DNAH6: variants seen among roughly 807,000 people sequenced by gnomAD.
DNAH6 encodes axonemal beta dynein heavy chain 6.
A neutral mutation model predicts 491.4 loss-of-function variants in DNAH6; 340 were observed. The ratio of observed to expected loss-of-function variants is 0.69; its 90% confidence interval spans 0.63 to 0.76. The LOEUF is 0.76. Ranked by LOEUF, DNAH6 falls within the 30% of genes least tolerant of loss-of-function variation. The pLI, the probability that DNAH6 is intolerant of heterozygous loss-of-function variation, is 0.00. For synonymous variants in DNAH6, 1,603 were observed against 1,686.1 expected, an observed-to-expected ratio of 0.95 and a Z score of 1.21; for missense variants, 4,443 against 4,972.2, an observed-to-expected ratio of 0.89 and a Z score of 3.20.
chr2:84,652,807 T>A (rs913415458), intron 33 of DNAH6, among the ~76,000 whole-genome samples: 1 of 152,080 alleles, frequency 6.6e-6, no homozygotes, highest in Non-Finnish European at 1.5e-5. Context: ...TTTTCCTTCC[T>A]TCTTGCATGA....
chr2:84,519,396 A>G (rs1437574484), intron 2 of DNAH6, among the ~76,000 whole-genome samples: 2 of 152,176 alleles, frequency 1.3e-5, no homozygotes, highest in Non-Finnish European at 2.9e-5. Flanking sequence ...AAAATAATTC[A>G]TACAATATTA....
At chr2:84,609,989 G>T (rs1359651137) in intron 21 of DNAH6, among the ~76,000 whole-genome samples, 1 of 152,122 alleles carries the variant, frequency 6.6e-6, no homozygotes, top group East Asian at 1.9e-4. Context: ...AGGAGTTCAG[G>T]CATGGTTTAA....
Position 84,786,473 on chromosome 2 carries a change from G to A in DNAH6, c.11101-691G>A, listed in dbSNP as rs1254960257. Among the ~76,000 whole-genome samples the A allele has an allele frequency of 2.0e-5, 3 of 150,898 alleles. No homozygotes were observed. In the East Asian group the frequency reaches 5.8e-4, roughly 29 times the overall value. ...AAAGATGCCAGATATAAGATAAATAGGTTAAAAGGTCTTAGAGGAGGTCTG... is the reference window on the plus strand; with the variant it reads ...AAAGATGCCAGATATAAGATAAATAAGTTAAAAGGTCTTAGAGGAGGTCTG... On this transcript the variant is annotated intron_variant, in intron 67 of 76. Transcript: ENST00000389394.
chr2:84,805,858 G>GT, intron 71 of DNAH6, 64 bp downstream of exon 71: 1 of 1,446,534 alleles, frequency 6.9e-7, no homozygotes, highest in African/African-American at 1.4e-5. Context: ...AGAGAACTGA[G>GT]TGATAAACAG....
At chr2:84,743,958 T>C (rs186689862) in intron 62 of DNAH6, among the ~76,000 whole-genome samples, 1 of 152,316 alleles carries the variant, frequency 6.6e-6, no homozygotes, top group East Asian at 1.9e-4. Flanking sequence ...AAGGAGTCCT[T>C]TTGCAATACA....
chr2:84,617,113 C>A, intron 23 of DNAH6, 131 bp downstream of exon 23: 1 of 559,266 alleles, frequency 1.8e-6, no homozygotes, highest in Non-Finnish European at 3.1e-6. Flanking sequence ...TAATGAAAAT[C>A]CAACTAGTTA....
In DNAH6 at chr2:84,745,188, G is replaced by A; in HGVS notation, c.10451G>A (p.Trp3484Ter). ...AAGGAGGCAGCACACCAAGATCCAT[G>A]GAGTGCAGGATTGAGTTCTTTCCAT... The part of the protein sequence containing the change: ...QEKEAAHQDP[W>*]SAGLSSFHKL... The change falls in exon 63 of 77, where the codon TGG becomes TAG. Residue 3484 changes from tryptophan (W) to a stop codon, truncating the protein, a stop_gained. Transcript: ENST00000389394. LOFTEE classifies it high-confidence loss of function. 6.5e-7 allele frequency: 1 copy of A among 1,549,106 alleles called. No homozygotes were observed. Among genetic ancestry groups the A allele is most frequent in the East Asian group, 2.4e-5 (1 of 40,830 alleles).
intron 29 of DNAH6, among the ~76,000 whole-genome samples, chr2:84,628,560 A>G (rs1688097077): frequency 6.6e-6 from 1 of 152,156 alleles, no homozygotes; most frequent in Non-Finnish European, 1.5e-5. Flanking sequence ...TCCTTTCTAC[A>G]AAAAGCAAAT....
intron 38 of DNAH6, 59 bp from the exon 39 acceptor site, chr2:84,670,269 C>T: frequency 3.3e-6 from 4 of 1,194,296 alleles, no homozygotes; most frequent in Non-Finnish European, 4.7e-6. Context: ...CAAACTATTA[C>T]AGATATAACT....
chr2:84,718,316 A>G lies in DNAH6; in HGVS notation c.9724A>G (p.Met3242Val), dbSNP rs1010435442. 91 of 1,551,388 alleles carry G rather than the reference A, an allele frequency of 5.9e-5. No homozygotes were observed. The highest frequency in any genetic ancestry group is 7.8e-5 in the Non-Finnish European group (90 of 1,146,914). Residue 3242 changes from methionine (M) to valine (V), a missense_variant, in exon 59 of 77, where the codon ATG becomes GTG. Transcript: ENST00000389394. ...AACTATCGAAGAGAAAATCCTGAGA[A>G]TGCTCTTTACCTCTGAAGGAAATAT... ...LKTIEEKILRMLFTSEGNILD... is the reference protein window; with the variant it reads ...LKTIEEKILRVLFTSEGNILD...
At chr2:84,504,879 T>C in the DNAH6 span, among the ~76,000 whole-genome samples, 121 of 152,356 alleles carry the variant, frequency 7.9e-4, no homozygotes, top group African/African-American at 2.8e-3. Context: ...TAGGATTAGC[T>C]TGTCAACTTT....
intron 33 of DNAH6, among the ~76,000 whole-genome samples, chr2:84,643,348 A>G (rs944994681): frequency 6.6e-6 from 1 of 151,648 alleles, no homozygotes; most frequent in Non-Finnish European, 1.5e-5. Flanking sequence ...CTGCTTCGGT[A>G]TAATTTTTAG....
At chr2:84,792,549 A>G (rs1042481646) in intron 68 of DNAH6, among the ~76,000 whole-genome samples, 3 of 152,160 alleles carry the variant, frequency 2.0e-5, no homozygotes, top group African/African-American at 7.2e-5. Context: ...TTATACCTCA[A>G]TAAAGGCGCG....
At position 84,705,580 on chromosome 2, in the gene DNAH6, T is replaced by C. The variant is rs1407681353; in HGVS notation, c.8560T>C (p.Leu2854=). 1 of 1,551,656 alleles carries C rather than the reference T, an allele frequency of 6.4e-7. No homozygotes were observed. The highest frequency in any genetic ancestry group is 2.0e-5 in the Admixed American group (1 of 50,990). Residue 2854 remains leucine (L), a synonymous_variant, in exon 52 of 77, where the codon TTG becomes CTG. Coordinates refer to ENST00000389394, the MANE Select transcript of DNAH6 (RefSeq NM_001370.2). ...YDKENIKPQI[L]AKLQKYINNP... ...TAAGGAGAACATAAAGCCTCAGATA[T>C]TGGCAAAGCTTCAAAAGTATATTAA...
At chr2:84,566,802 C>T (rs143255150) in intron 11 of DNAH6, among the ~76,000 whole-genome samples, 2,226 of 152,108 alleles carry the variant, frequency 0.015, 37 homozygotes, top group Middle Eastern at 0.092. Flanking sequence ...GAATAGCTGT[C>T]AGACCAGTAG....
At chr2:84,498,927 G>A in the DNAH6 span, among the ~76,000 whole-genome samples, 2 of 152,034 alleles carry the variant, frequency 1.3e-5, no homozygotes, top group African/African-American at 4.8e-5. Context: ...AATGTTGTGG[G>A]TGCATTGTAG....
At chr2:84,679,368 A>G (rs1404324104) in intron 41 of DNAH6, among the ~76,000 whole-genome samples, 1 of 152,228 alleles carries the variant, frequency 6.6e-6, no homozygotes, top group African/African-American at 2.4e-5. Context: ...ACCATAGTTC[A>G]TACAAACCTG....
At chr2:84,695,892 T>C (rs764837339) in intron 46 of DNAH6, among the ~76,000 whole-genome samples, 32 of 152,050 alleles carry the variant, frequency 2.1e-4, no homozygotes, top group Non-Finnish European at 1.6e-4. Flanking sequence ...TTGCTTCTCT[T>C]TAGACAAAAA....
chr2:84,694,283 G>T lies in DNAH6; in HGVS notation c.7327G>T (p.Ala2443Ser). Reference sequence around the variant, plus strand: ...GATGATACGTCAAGAAAGAGGCAATGCCCTGCTTGTTGGAGTAGGAGGCAC... The same window carrying T: ...GATGATACGTCAAGAAAGAGGCAATTCCCTGCTTGTTGGAGTAGGAGGCAC... ...ARMIRQERGN[A>S]LLVGVGGTGK... The change falls in exon 46 of 77, where the codon GCC becomes TCC. Residue 2443 changes from alanine to serine, a missense_variant. Transcript: ENST00000389394. 5.8e-6 allele frequency: 9 copies of T among 1,552,126 alleles called. No homozygotes were observed. Among genetic ancestry groups the T allele is most frequent in the Non-Finnish European group, 7.8e-6 (9 of 1,147,072 alleles).
Sources: allele counts gnomAD v4.1 joint callset (sites outside exome capture counted in the v4.1 genomes callset), GRCh38; gene constraint gnomAD v4.1.1; transcripts MANE v1.5; gene names NCBI Gene and HGNC (gene_info 2026-07-23, HGNC 2026-07-21).